FOXP1: variants seen among roughly 807,000 people sequenced by gnomAD.
The protein encoded by FOXP1 is forkhead box P1.
FOXP1 carries 15 observed loss-of-function variants against 98.2 expected under a neutral mutation model. The observed-to-expected ratio is 0.15, with a 90% confidence interval of 0.10 to 0.24. FOXP1 has a LOEUF of 0.24. FOXP1 is among the 10% of genes least tolerant of loss of function. The pLI is 1.00. For synonymous variants in FOXP1, 371 were observed against 314.5 expected, an observed-to-expected ratio of 1.18 and a Z score of -1.90; for missense variants, 633 against 848.5, an observed-to-expected ratio of 0.75 and a Z score of 3.15.
intron 7 of FOXP1, among the ~76,000 whole-genome samples, chr3:71,064,246 A>G (rs1048691874): frequency 4.6e-5 from 7 of 152,182 alleles, no homozygotes; most frequent in Admixed American, 4.6e-4. Context: ...TAAGCTGAAA[A>G]TAGCCTAGAC....
chr3:71,145,384 A>C (rs891679306), intron 6 of FOXP1, among the ~76,000 whole-genome samples: 3 of 151,842 alleles, frequency 2.0e-5, no homozygotes, highest in Non-Finnish European at 4.4e-5. Context: ...TAATAACACA[A>C]AAATTAGCTG....
chr3:70,966,144 G>T, intron 19 of FOXP1, 88 bp from the exon 20 acceptor site: 1 of 1,155,408 alleles, frequency 8.7e-7, no homozygotes, highest in Non-Finnish European at 1.3e-6. Context: ...ATAATCTTCA[G>T]TTTGAGTTAA....
intron 3 of FOXP1, among the ~76,000 whole-genome samples, chr3:71,374,602 A>T (rs966138995): frequency 1.3e-5 from 2 of 151,510 alleles, no homozygotes; most frequent in Non-Finnish European, 1.5e-5. Flanking sequence ...CTCAAAAAAA[A>T]AAATAAAAAT....
chr3:71,253,419 TGTG>T (rs1474139246), intron 5 of FOXP1, among the ~76,000 whole-genome samples: 1 of 152,190 alleles, frequency 6.6e-6, no homozygotes, highest in African/African-American at 2.4e-5. Flanking sequence ...TTTAGTGAGT[TGTG>T]GTGAGAATTA....
chr3:71,048,491 G>A (rs1473822014), intron 9 of FOXP1, among the ~76,000 whole-genome samples: 1 of 152,022 alleles, frequency 6.6e-6, no homozygotes, highest in South Asian at 2.1e-4. Flanking sequence ...CCATGCCACT[G>A]AGAAAGTTAA....
chr3:71,290,456 C>T (rs1306616616), intron 5 of FOXP1, among the ~76,000 whole-genome samples: 1 of 152,194 alleles, frequency 6.6e-6, no homozygotes, highest in Non-Finnish European at 1.5e-5. Flanking sequence ...CATTGTGATC[C>T]TGGCCATCAT....
At chr3:71,021,522 G>C (rs993768012) in intron 11 of FOXP1, among the ~76,000 whole-genome samples, 14 of 152,122 alleles carry the variant, frequency 9.2e-5, no homozygotes, top group Admixed American at 9.2e-4. Flanking sequence ...TGTACTCTAA[G>C]TATCTGTTTT....
At position 71,019,846 on chromosome 3, in the gene FOXP1, A is replaced by AAAAC. The variant is rs571269666; in HGVS notation, c.870-4194_870-4193insGTTT. ...AGCGAGACACGGTCCCCCCCCCAAA[A>AAAAC]AAAACAAAACAAAACAAAACAAAAC... On this transcript the variant is annotated intron_variant, in intron 11 of 20. Transcript: ENST00000649528. 6.4e-4 allele frequency among the ~76,000 whole-genome samples: 97 copies of AAAAC among 151,848 alleles called. 1 individual carries two copies. The highest frequency in any genetic ancestry group is 2.0e-3 in the African/African-American group (84 of 41,316).
intron 14 of FOXP1, among the ~76,000 whole-genome samples, chr3:70,986,779 T>A (rs1012755949): frequency 6.6e-6 from 1 of 152,228 alleles, no homozygotes; most frequent in Non-Finnish European, 1.5e-5. Flanking sequence ...AAGGACTCCT[T>A]CCTGGTAAAA....
chr3:71,461,973 T>C (rs1310835991), intron 3 of FOXP1, among the ~76,000 whole-genome samples: 1 of 152,084 alleles, frequency 6.6e-6, no homozygotes, highest in African/African-American at 2.4e-5. Context: ...GACACTCCCT[T>C]TAGGCAGAGG....
intron 5 of FOXP1, among the ~76,000 whole-genome samples, chr3:71,283,150 T>A (rs1313995334): frequency 2.6e-5 from 4 of 152,112 alleles, no homozygotes; most frequent in African/African-American, 9.7e-5. Context: ...GGAGAGGAAG[T>A]GCACTTTCCT....
chr3:71,019,964 T>C (rs1369771452), intron 11 of FOXP1, among the ~76,000 whole-genome samples: 2 of 152,228 alleles, frequency 1.3e-5, no homozygotes, highest in Non-Finnish European at 2.9e-5. Context: ...TGTGTGGCTA[T>C]ACATTCAACT....
chr3:71,306,631 C>CAA (rs66479255), intron 4 of FOXP1, among the ~76,000 whole-genome samples: 35 of 42,830 alleles, frequency 8.2e-4, no homozygotes, highest in African/African-American at 2.1e-3. Context: ...GAGAATAAGC[C>CAA]AAAAAAAAAA....
chr3:71,215,700 T>C (rs1332404995), intron 5 of FOXP1, among the ~76,000 whole-genome samples: 1 of 152,232 alleles, frequency 6.6e-6, no homozygotes, highest in Non-Finnish European at 1.5e-5. Context: ...CCTGGCTATA[T>C]GAGGACTATA....
intron 7 of FOXP1, among the ~76,000 whole-genome samples, chr3:71,106,219 A>C (rs2057411029): frequency 6.6e-6 from 1 of 152,186 alleles, no homozygotes; most frequent in Non-Finnish European, 1.5e-5. Context: ...TATCTATCAC[A>C]CTTTGCATGT....
At position 71,193,733 on chromosome 3, in the gene FOXP1, G is replaced by A. The variant is rs142089257; in HGVS notation, c.180+4469C>T. Among the ~76,000 whole-genome samples the A allele has an allele frequency of 1.8e-3, 277 of 152,316 alleles. 1 individual carries two copies. Among genetic ancestry groups the A allele is most frequent in the African/African-American group, 6.3e-3 (262 of 41,558 alleles). ...CTAAGTGCTGGGATTACAGGCATGA[G>A]CCACCACAGACAGCCTCTACATCCC... On this transcript the variant is annotated intron_variant, in intron 6 of 20. Coordinates refer to ENST00000649528, the MANE Select transcript of FOXP1 (RefSeq NM_001349338.3).
At chr3:71,117,163 C>CTT (rs1419770164) in intron 6 of FOXP1, among the ~76,000 whole-genome samples, 2 of 152,068 alleles carry the variant, frequency 1.3e-5, no homozygotes, top group Admixed American at 6.5e-5. Context: ...TCACGGCTCA[C>CTT]TGTAGCCTTG....
chr3:71,105,510 G>A (rs1395979910), intron 7 of FOXP1, among the ~76,000 whole-genome samples: 1 of 152,176 alleles, frequency 6.6e-6, no homozygotes, highest in Non-Finnish European at 1.5e-5. Context: ...CACTGGAGGT[G>A]TAAACCACAA....
At chr3:71,042,546 T>A (rs898052612) in intron 10 of FOXP1, among the ~76,000 whole-genome samples, 5 of 152,112 alleles carry the variant, frequency 3.3e-5, no homozygotes, top group African/African-American at 1.2e-4. Context: ...AAAACTTCCT[T>A]TGGAGGAACA....
Sources: allele counts gnomAD v4.1 joint callset (sites outside exome capture counted in the v4.1 genomes callset), GRCh38; gene constraint gnomAD v4.1.1; transcripts MANE v1.5; gene names NCBI Gene and HGNC (gene_info 2026-07-23, HGNC 2026-07-21).